USP40: variants seen among roughly 807,000 people sequenced by gnomAD.
The protein encoded by USP40 is ubiquitin carboxyl-terminal hydrolase 40.
USP40 carries 143 observed loss-of-function variants against 166.2 expected under a neutral mutation model. The ratio of observed to expected loss-of-function variants is 0.86; its 90% CI spans 0.75 to 0.99. The LOEUF (loss-of-function observed/expected upper bound fraction) is 0.99. Among genes scored for constraint, USP40 ranks in the 50% least tolerant of loss-of-function variants. The pLI, the probability that USP40 is intolerant of heterozygous loss-of-function variation, is 0.00. For synonymous variants in USP40, 498 were observed against 524.0 expected (o/e 0.95, Z 0.68); for missense variants, 1,444 against 1,479.7 (o/e 0.98, Z 0.40).
At chr2:233,505,403 T>C (rs1429202836) in intron 21 of USP40, among the ~76,000 whole-genome samples, 2 of 152,104 alleles carry the variant, frequency 1.3e-5, no homozygotes, top group Non-Finnish European at 2.9e-5. Context: ...AATTAAAAAC[T>C]GGTTCTTTTA....
chr2:233,527,316 A>C, intron 13 of USP40, 91 bp downstream of exon 13: 1 of 1,416,578 alleles, frequency 7.1e-7, no homozygotes, highest in South Asian at 1.5e-5. Context: ...AGCTTTGAAA[A>C]ATAAAGTTGT....
At chr2:233,529,814 CT>C (rs369071345) in intron 11 of USP40, among the ~76,000 whole-genome samples, 6 of 133,954 alleles carry the variant, frequency 4.5e-5, no homozygotes, top group Non-Finnish European at 3.1e-5. Context: ...TTTTCTTTTT[CT>C]TTTTTTTTTT....
intron 24 of USP40, among the ~76,000 whole-genome samples, chr2:233,494,957 T>A (rs2065627059): frequency 1.4e-4 from 2 of 14,414 alleles, no homozygotes; most frequent in African/African-American, 6.9e-4. Flanking sequence ...TATATATATT[T>A]ATATATATAT....
chr2:233,497,797 G>T (rs1444876406), intron 23 of USP40, among the ~76,000 whole-genome samples: 1 of 152,224 alleles, frequency 6.6e-6, no homozygotes, highest in Non-Finnish European at 1.5e-5. Flanking sequence ...CCCAAGAGGG[G>T]CCTCTTGCTA....
chr2:233,564,485 G>T (rs1441826848), intron 2 of USP40, among the ~76,000 whole-genome samples: 1 of 152,056 alleles, frequency 6.6e-6, no homozygotes, highest in Non-Finnish European at 1.5e-5. Flanking sequence ...GAAATATATA[G>T]AGAGAAACAG....
At chr2:233,551,937 A>G (rs1375117975) in intron 6 of USP40, among the ~76,000 whole-genome samples, 1 of 152,188 alleles carries the variant, frequency 6.6e-6, no homozygotes, top group Non-Finnish European at 1.5e-5. Context: ...CTGAAATGAT[A>G]CAAAAATTAT....
intron 17 of USP40, among the ~76,000 whole-genome samples, chr2:233,520,043 G>A (rs1235867674): frequency 6.6e-6 from 1 of 152,122 alleles, no homozygotes; most frequent in African/African-American, 2.4e-5. Flanking sequence ...ATTTCTCTAT[G>A]TCAGGAATGA....
Position 233,559,826 on chromosome 2 carries a change from C to A in USP40, c.366G>T (p.Gly122=), listed in dbSNP as rs1311484518. The A allele has an allele frequency of 7.5e-6, 12 of 1,608,398 alleles. No individual in the cohort carries two copies. Among genetic ancestry groups the A allele is most frequent in the Non-Finnish European group, 1.0e-5 (12 of 1,177,450 alleles). The change falls in exon 4 of 32, where the codon GGG becomes GGT. Residue 122 remains glycine, a synonymous_variant. Transcript: ENST00000678225. ...ATCCTCGTACCTCATTACTGGTCCA[C>A]CCAAAGCTGTCAGTGAGGTCTGCTG... ...ASTADLTDSF[G]WTSNEEMRQH...
At chr2:233,516,772 G>A (rs915964756) in intron 18 of USP40, among the ~76,000 whole-genome samples, 15 of 151,104 alleles carry the variant, frequency 9.9e-5, no homozygotes, top group African/African-American at 2.4e-4. Flanking sequence ...CAAGAGAATC[G>A]CTTGAACCCA....
At chr2:233,528,506 C>T (rs1177484741) in intron 12 of USP40, among the ~76,000 whole-genome samples, 5 of 152,192 alleles carry the variant, frequency 3.3e-5, no homozygotes, top group Non-Finnish European at 7.3e-5. Context: ...GAGAGCACAA[C>T]CACACGAAAG....
intron 21 of USP40, among the ~76,000 whole-genome samples, chr2:233,509,389 T>C (rs1471274258): frequency 1.3e-5 from 2 of 152,150 alleles, no homozygotes; most frequent in Admixed American, 6.5e-5. Context: ...TGTGTGTATA[T>C]AAATACTAGA....
At position 233,493,096 on chromosome 2, in the gene USP40, T is replaced by C. The variant is rs1028072511; in HGVS notation, c.2917+329A>G. The C allele has an allele frequency of 2.6e-6, 1 of 381,352 alleles. No homozygotes were observed. Among genetic ancestry groups the C allele is most frequent in the African/African-American group, 2.0e-5 (1 of 49,264 alleles). 23.6% of individuals were successfully genotyped at this position (381,352 alleles called of 1,614,324 possible). ...GACATCATTAGAATTGGATGAAGTC[T>C]CAATATTCTGGTACGTGGTGATAAA... On this transcript the variant is annotated intron_variant, in intron 25 of 31. Transcript: ENST00000678225. The surrounding 1 kb of genome is among the most constrained non-coding windows in gnomAD (Gnocchi z 4.7).
chr2:233,510,168 A>G, intron 20 of USP40, 33 bp from the exon 21 acceptor site: 1 of 1,481,914 alleles, frequency 6.7e-7, no homozygotes, highest in Non-Finnish European at 9.3e-7. Flanking sequence ...AATGCAATTT[A>G]ATCTGAATTT....
intron 21 of USP40, among the ~76,000 whole-genome samples, chr2:233,504,825 ATTAAAC>A (rs749670171): frequency 1.3e-5 from 2 of 152,034 alleles, no homozygotes; most frequent in African/African-American, 2.4e-5. Flanking sequence ...ACAAAGAAAC[ATTAAAC>A]TTAAACTTCA....
At chr2:233,547,470 C>T (rs1193572123) in intron 8 of USP40, among the ~76,000 whole-genome samples, 1 of 152,158 alleles carries the variant, frequency 6.6e-6, no homozygotes, top group African/African-American at 2.4e-5. Context: ...ATCTTGGATA[C>T]TGCTGGCACC....
At chr2:233,537,589 CA>C (rs2069026248) in intron 10 of USP40, among the ~76,000 whole-genome samples, 1 of 151,996 alleles carries the variant, frequency 6.6e-6, no homozygotes, top group Non-Finnish European at 1.5e-5. Context: ...ACATTACATT[CA>C]AGAGAATGAA....
rs1245978861 is a variant in USP40, at chr2:233,475,658, C to T, written c.*1734G>A. On this transcript the variant is annotated 3_prime_UTR_variant, in exon 32 of 32. Coordinates refer to ENST00000678225, the MANE Select transcript of USP40 (RefSeq NM_001365479.2). ...CCACACGCACAGGCCGGCCCGGCCG[C>T]ACGCGCCTGCTGGACGGCACTTCAG... The T allele has an allele frequency of 6.6e-6, 1 of 152,408 alleles. No homozygotes were observed. Among genetic ancestry groups the T allele is most frequent in the Non-Finnish European group, 1.5e-5 (1 of 68,066 alleles). 9.4% of individuals were successfully genotyped at this position (152,408 alleles called of 1,614,324 possible).
At position 233,493,615 on chromosome 2, in the gene USP40, T is replaced by A; in HGVS notation, c.2791-64A>T. 6.7e-7 allele frequency: 1 copy of A among 1,494,652 alleles called. No homozygotes were observed. 92.6% of individuals were successfully genotyped at this position (1,494,652 alleles called of 1,614,324 possible). ...GATTAAGTGAAACTCTACTTTTACT[T>A]CCATAGAAAGAAACACCTTGATGAC... is the stretch of plus-strand genomic sequence containing the variant. On this transcript the variant is annotated intron_variant, in intron 24 of 31. Transcript: ENST00000678225. This position sits in a 1 kb window ranked among gnomAD's most constrained non-coding sequence, Gnocchi z 4.7.
Position 233,499,865 on chromosome 2 carries a change from G to A in USP40, c.2650+14C>T, listed in dbSNP as rs1313022598. The stretch of plus-strand genomic sequence containing the variant: ...AGGCTTTTAAGTAATATGTCATCAT[G>A]GTAAGTAACTTACCTTGTAGGCCAG... On this transcript the variant is annotated intron_variant, in intron 22 of 31. Transcript: ENST00000678225. The A allele has an allele frequency of 3.1e-6, 5 of 1,607,758 alleles. No homozygotes were observed. Among genetic ancestry groups the A allele is most frequent in the Non-Finnish European group, 4.2e-6 (5 of 1,177,306 alleles).
Sources: gnomAD v4.1 joint callset for allele counts (sites outside exome capture counted in the v4.1 genomes callset) on GRCh38, gnomAD v4.1.1 for gene constraint, Gnocchi (gnomAD v3.1) non-coding constraint, MANE v1.5 for transcripts, NCBI Gene and HGNC (gene_info 2026-07-23, HGNC 2026-07-21) for gene names.